NRG3: variants seen among roughly 807,000 people sequenced by gnomAD.
NRG3 encodes the protein pro-neuregulin-3, membrane-bound isoform.
In NRG3, 31 loss-of-function variants were observed where a neutral mutation model predicts 66.9. The observed-to-expected ratio is 0.46, with a 90% CI of 0.35 to 0.63. The LOEUF is 0.63. Ranked by LOEUF, NRG3 falls within the 20% of genes least tolerant of loss-of-function variation. The pLI is 0.00. For synonymous variants in NRG3, 393 were observed against 359.4 expected (o/e 1.09, Z -1.06); for missense variants, 910 against 878.9 (o/e 1.04, Z -0.45).
intron 1 of NRG3, among the ~76,000 whole-genome samples, chr10:82,101,052 G>A (rs1176725893): frequency 6.6e-6 from 1 of 151,830 alleles, no homozygotes; most frequent in Non-Finnish European, 1.5e-5. Context: ...ATCTGTTCTT[G>A]AGTAAGTTTT....
chr10:82,477,929 G>C (rs77739255), intron 2 of NRG3, among the ~76,000 whole-genome samples: 1 of 152,200 alleles, frequency 6.6e-6, no homozygotes, highest in Admixed American at 6.5e-5. Context: ...GTGAGGCCAA[G>C]TGTGCAATGA....
chr10:82,134,786 T>A lies in NRG3; in HGVS notation c.824-223953T>A, dbSNP rs535229760. On this transcript the variant is annotated intron_variant, in intron 1 of 8. Coordinates refer to ENST00000372141, the MANE Select transcript of NRG3 (RefSeq NM_001010848.4). ...TGAATTTTAAAATTCATATAAAATT[T>A]AAATTTAAATTTATGTTCATCTAAA... 1.2e-3 allele frequency among the ~76,000 whole-genome samples: 181 copies of A among 152,162 alleles called. 1 individual carries two copies. Among genetic ancestry groups the A allele is most frequent in the Non-Finnish European group, 2.0e-3 (137 of 67,998 alleles).
intron 2 of NRG3, among the ~76,000 whole-genome samples, chr10:82,444,373 G>C (rs150584642): frequency 6.6e-6 from 1 of 152,234 alleles, no homozygotes; most frequent in African/African-American, 2.4e-5. Flanking sequence ...AAAGTGCTGG[G>C]ATGACAGGCA....
intron 3 of NRG3, among the ~76,000 whole-genome samples, chr10:82,809,308 A>T (rs972263849): frequency 1.3e-5 from 2 of 152,126 alleles, no homozygotes; most frequent in Admixed American, 6.6e-5. Context: ...TGAACCAAAG[A>T]TCCACTGTTT....
At chr10:82,398,694 G>T (rs1207214113) in intron 2 of NRG3, among the ~76,000 whole-genome samples, 1 of 151,986 alleles carries the variant, frequency 6.6e-6, no homozygotes, top group Non-Finnish European at 1.5e-5. Context: ...CTTCCAAAAG[G>T]CCCAAGAAAT....
chr10:82,433,967 T>G (rs1417504759), intron 2 of NRG3, among the ~76,000 whole-genome samples: 2 of 152,186 alleles, frequency 1.3e-5, no homozygotes, highest in Non-Finnish European at 2.9e-5. Context: ...TTAACCTAGT[T>G]TTTTCTAATT....
chr10:82,049,806 C>G (rs2063504529), intron 1 of NRG3, among the ~76,000 whole-genome samples: 1 of 151,848 alleles, frequency 6.6e-6, no homozygotes. Context: ...TTTAAAAGCA[C>G]CAAGCTGACA....
chr10:82,204,615 C>T (rs2075024483), intron 1 of NRG3, among the ~76,000 whole-genome samples: 1 of 152,200 alleles, frequency 6.6e-6, no homozygotes, highest in South Asian at 2.1e-4. Flanking sequence ...CATTTGTTTT[C>T]TCAGGCCTAG....
intron 1 of NRG3, among the ~76,000 whole-genome samples, chr10:82,102,021 G>T (rs1360120300): frequency 5.2e-5 from 6 of 115,268 alleles, no homozygotes; most frequent in Non-Finnish European, 3.8e-5. Context: ...ATATATATAC[G>T]CACACATATA....
chr10:82,066,342 C>G (rs2064461314), intron 1 of NRG3, among the ~76,000 whole-genome samples: 1 of 152,110 alleles, frequency 6.6e-6, no homozygotes, highest in South Asian at 2.1e-4. Flanking sequence ...ATTACCTTTT[C>G]AATGTACATA....
At chr10:82,224,393 T>G (rs1209190441) in intron 1 of NRG3, 2 of 152,156 alleles carry the variant, frequency 1.3e-5, no homozygotes, top group African/African-American at 4.8e-5. Flanking sequence ...TATCATTTTA[T>G]GAATAAAAAA....
chr10:82,433,919 C>T (rs1414608762), intron 2 of NRG3, among the ~76,000 whole-genome samples: 1 of 152,092 alleles, frequency 6.6e-6, no homozygotes, highest in East Asian at 1.9e-4. Flanking sequence ...TTAGGATTGT[C>T]TTGGCTATAC....
At chr10:82,881,258 G>T (rs1842273003) in intron 4 of NRG3, among the ~76,000 whole-genome samples, 1 of 152,178 alleles carries the variant, frequency 6.6e-6, no homozygotes, top group Admixed American at 6.5e-5. Context: ...TAACACTTCA[G>T]ATATGGATGC....
At chr10:82,116,272 C>G (rs2067711827) in intron 1 of NRG3, among the ~76,000 whole-genome samples, 1 of 152,012 alleles carries the variant, frequency 6.6e-6, no homozygotes, top group African/African-American at 2.4e-5. Context: ...GAAAAAAACC[C>G]TTAAAAGGAG....
chr10:82,649,021 C>T (rs1055063728), intron 2 of NRG3, among the ~76,000 whole-genome samples: 8 of 152,004 alleles, frequency 5.3e-5, no homozygotes, highest in East Asian at 1.9e-4. Flanking sequence ...AATATCATAC[C>T]GAATGGGCAA....
chr10:81,999,476 T>A (rs1018151436), intron 1 of NRG3, among the ~76,000 whole-genome samples: 1 of 152,204 alleles, frequency 6.6e-6, no homozygotes, highest in Non-Finnish European at 1.5e-5. Flanking sequence ...CATTTTATTA[T>A]ATTAATTACA....
chr10:82,945,522 A>G (rs962830829), intron 4 of NRG3, among the ~76,000 whole-genome samples: 1 of 152,210 alleles, frequency 6.6e-6, no homozygotes, highest in Non-Finnish European at 1.5e-5. Flanking sequence ...GCATAGCGCC[A>G]GCATCTGGTG....
chr10:82,316,741 C>T (rs11193660), intron 1 of NRG3, among the ~76,000 whole-genome samples: 20,597 of 152,168 alleles, frequency 0.14, 3,458 homozygotes, highest in African/African-American at 0.39. Flanking sequence ...TCCCAAGTTC[C>T]CTTATGTCCT....
At chr10:82,570,864 A>T (rs1018775578) in intron 2 of NRG3, among the ~76,000 whole-genome samples, 1 of 151,616 alleles carries the variant, frequency 6.6e-6, no homozygotes. Flanking sequence ...TTTCATTGTT[A>T]TGTTTCCTTC....
Sources: gnomAD v4.1 joint callset for allele counts (sites outside exome capture counted in the v4.1 genomes callset) on GRCh38, gnomAD v4.1.1 for gene constraint, MANE v1.5 for transcripts, NCBI Gene and HGNC (gene_info 2026-07-23, HGNC 2026-07-21) for gene names.